The following EHBP1 variants were observed in gnomAD, a reference collection of about 807,000 sequenced individuals.
EHBP1 encodes the protein EH domain binding protein 1, also known as EH domain-binding protein 1.
In EHBP1, 55 loss-of-function variants were observed where a neutral mutation model predicts 144.0. That is an observed-to-expected ratio of 0.38 (90% confidence interval 0.31 to 0.48). The LOEUF (loss-of-function observed/expected upper bound fraction) is 0.48, where lower values mean the gene tolerates loss of function less well. Among genes scored for constraint, EHBP1 ranks in the 20% least tolerant of loss-of-function variants. The pLI, the probability that EHBP1 is intolerant of heterozygous loss-of-function variation, is 0.98. For missense variants in EHBP1, 1,200 were observed against 1,364.2 expected (o/e 0.88, Z 1.90); for synonymous variants, 469 against 472.7 (o/e 0.99, Z 0.10).
In EHBP1 at chr2:62,771,439, A is replaced by G. The variant is rs760889210; in HGVS notation, c.312+47A>G. On this transcript the variant is annotated intron_variant, in intron 5 of 22. Transcript: ENST00000431489. Reference sequence around the variant, plus strand: ...TCACCTTTCACATTTTCAACTTTATATATGCATTATTAAGGTACATTGGCA... The same window carrying G: ...TCACCTTTCACATTTTCAACTTTATGTATGCATTATTAAGGTACATTGGCA... The G allele has an allele frequency of 6.3e-6, 9 of 1,429,622 alleles. No individual in the cohort carries two copies. The East Asian group carries it at 7.4e-5, about 12-fold the overall frequency. The allele number at this position is 1,429,622 out of a possible 1,614,324, so 88.6% of individuals were successfully genotyped here.
At chr2:62,876,180 C>T (rs750060123) in intron 10 of EHBP1, among the ~76,000 whole-genome samples, 1 of 152,088 alleles carries the variant, frequency 6.6e-6, no homozygotes, top group Non-Finnish European at 1.5e-5. Context: ...GTCATATGGT[C>T]ATCAGATTCT....
At chr2:62,864,292 G>A (rs915138660) in intron 8 of EHBP1, among the ~76,000 whole-genome samples, 11 of 152,202 alleles carry the variant, frequency 7.2e-5, no homozygotes, top group Admixed American at 2.0e-4. Context: ...CTACAGGTGT[G>A]CACCACCATA....
intron 15 of EHBP1, among the ~76,000 whole-genome samples, chr2:62,986,282 T>G (rs1468328138): frequency 6.6e-6 from 1 of 152,190 alleles, no homozygotes; most frequent in Non-Finnish European, 1.5e-5. Flanking sequence ...AAGCTGAGCA[T>G]AGTTGATTAG....
chr2:62,951,269 G>T (rs1156948421), intron 13 of EHBP1, among the ~76,000 whole-genome samples: 1 of 152,074 alleles, frequency 6.6e-6, no homozygotes, highest in African/African-American at 2.4e-5. Flanking sequence ...GTAAGATTCT[G>T]CCATTTATAA....
At chr2:62,860,643 T>C (rs13410889) in intron 8 of EHBP1, among the ~76,000 whole-genome samples, 59,545 of 152,108 alleles carry the variant, frequency 0.39, 11,963 homozygotes, top group East Asian at 0.53. Context: ...AGGTATCCTT[T>C]TGACCACACA....
chr2:62,779,443 C>T (rs541208167), intron 5 of EHBP1, among the ~76,000 whole-genome samples: 6 of 152,306 alleles, frequency 3.9e-5, no homozygotes, highest in South Asian at 4.1e-4. Flanking sequence ...ACCCTATTGA[C>T]TGCAGTTTCG....
At chr2:62,873,112 A>T (rs2050617199) in intron 9 of EHBP1, among the ~76,000 whole-genome samples, 1 of 152,198 alleles carries the variant, frequency 6.6e-6, no homozygotes, top group Non-Finnish European at 1.5e-5. Flanking sequence ...TAGACTACAC[A>T]GGAATTCCTC....
intron 19 of EHBP1, among the ~76,000 whole-genome samples, chr2:63,009,090 T>A (rs748739503): frequency 6.6e-6 from 1 of 151,656 alleles, no homozygotes; most frequent in Non-Finnish European, 1.5e-5. Flanking sequence ...ATTAGTGCAC[T>A]TTGGTAGTTC....
chr2:62,705,076 T>C (rs1432706014), upstream of EHBP1, among the ~76,000 whole-genome samples: 1 of 152,186 alleles, frequency 6.6e-6, no homozygotes, highest in Non-Finnish European at 1.5e-5. Context: ...TGAAGACCAG[T>C]TGACTCTATG....
chr2:62,961,158 A>G (rs566455313), intron 14 of EHBP1, among the ~76,000 whole-genome samples: 4 of 152,350 alleles, frequency 2.6e-5, no homozygotes, highest in African/African-American at 9.6e-5. Flanking sequence ...AGTTATCCTC[A>G]GGAAAGATAT....
At chr2:63,026,340 G>C (rs1032784073) in intron 19 of EHBP1, among the ~76,000 whole-genome samples, 2 of 139,210 alleles carry the variant, frequency 1.4e-5, no homozygotes, top group African/African-American at 2.7e-5. Flanking sequence ...GTGTGTGTGT[G>C]TGTGTCTGTG....
At chr2:62,825,277 C>G (rs2046265797) in intron 5 of EHBP1, among the ~76,000 whole-genome samples, 2 of 152,042 alleles carry the variant, frequency 1.3e-5, no homozygotes, top group South Asian at 4.1e-4. Context: ...TTATTTTGCT[C>G]TCCTGTTTTC....
chr2:62,704,275 T>C (rs192805339), upstream of EHBP1, among the ~76,000 whole-genome samples: 72 of 152,362 alleles, frequency 4.7e-4, no homozygotes, highest in African/African-American at 1.6e-3. Context: ...TTAGATCATT[T>C]TCTTTATTGA....
intron 5 of EHBP1, among the ~76,000 whole-genome samples, chr2:62,792,772 A>G (rs2043249250): frequency 6.6e-6 from 1 of 152,104 alleles, no homozygotes; most frequent in Admixed American, 6.6e-5. Context: ...TTTCACTCTC[A>G]GTATACTTAG....
In EHBP1 at chr2:63,045,085, C is replaced by G. The variant is rs1332534037; in HGVS notation, c.3297C>G (p.Ala1099=). The change falls in exon 22 of 23, where the codon GCC becomes GCG. Residue 1099 remains alanine (A), a synonymous_variant. Coordinates refer to ENST00000431489, the MANE Select transcript of EHBP1 (RefSeq NM_001142616.3). This position sits in a 1 kb window ranked among gnomAD's most constrained non-coding sequence, Gnocchi z 5.7. ...LAIEDWQKTE[A]QKRREQLLLD... is the part of the protein sequence containing the mutation. ...CTGCAGACTGGCAGAAGACCGAGGC[C>G]CAGAAGCGACGCGAACAGCTTCTGC... 6.4e-7 allele frequency: 1 copy of G among 1,570,670 alleles called. No individual in the cohort carries two copies. Among genetic ancestry groups the G allele is most frequent in the Non-Finnish European group, 8.6e-7 (1 of 1,157,148 alleles).
At chr2:62,873,155 C>A (rs2050620552) in intron 9 of EHBP1, among the ~76,000 whole-genome samples, 1 of 152,006 alleles carries the variant, frequency 6.6e-6, no homozygotes, top group Admixed American at 6.6e-5. Context: ...TATAGAATTA[C>A]AAAACACACA....
chr2:62,825,429 A>G (rs1228549370), intron 5 of EHBP1, among the ~76,000 whole-genome samples: 1 of 152,104 alleles, frequency 6.6e-6, no homozygotes, highest in Non-Finnish European at 1.5e-5. Context: ...GTTGAGAAGA[A>G]TTCTGAGATC....
intron 2 of EHBP1, among the ~76,000 whole-genome samples, chr2:62,732,657 GCCTCC>G (rs2037722908): frequency 6.6e-6 from 1 of 152,074 alleles, no homozygotes; most frequent in South Asian, 2.1e-4. Flanking sequence ...GTTTCCTGAG[GCCTCC>G]CCGAAAGCTG....
intron 7 of EHBP1, among the ~76,000 whole-genome samples, chr2:62,839,176 G>A (rs1424932295): frequency 6.6e-6 from 1 of 151,446 alleles, no homozygotes; most frequent in African/African-American, 2.4e-5. Context: ...GGGATGCAAG[G>A]CTGGTTCAAT....
Sources: gnomAD v4.1 joint callset for allele counts (sites outside exome capture counted in the v4.1 genomes callset) on GRCh38, gnomAD v4.1.1 for gene constraint, Gnocchi (gnomAD v3.1) non-coding constraint, MANE v1.5 for transcripts, NCBI Gene and HGNC (gene_info 2026-07-23, HGNC 2026-07-21) for gene names.